The following UBTD1 variants were observed in gnomAD, a reference collection of about 807,000 sequenced individuals.
The protein encoded by UBTD1 is ubiquitin domain-containing protein 1.
UBTD1 carries 19 observed loss-of-function variants against 21.7 expected under a neutral mutation model. The ratio of observed to expected loss-of-function variants is 0.87; its 90% CI spans 0.61 to 1.28. The LOEUF is 1.28. Among genes scored for constraint, UBTD1 ranks in the 50% most tolerant of loss-of-function variants. The pLI is 0.00. For missense variants in UBTD1, 282 were observed against 315.1 expected (o/e 0.89, Z 0.80); for synonymous variants, 116 against 135.1 (o/e 0.86, Z 0.98).
intron 1 of UBTD1, among the ~76,000 whole-genome samples, chr10:97,506,335 G>T (rs1725405716): frequency 6.6e-6 from 1 of 152,260 alleles, no homozygotes; most frequent in Non-Finnish European, 1.5e-5. Context: ...CACGGGGCTT[G>T]TGAGACTCTA....
intron 1 of UBTD1, among the ~76,000 whole-genome samples, chr10:97,533,141 C>T (rs1159966964): frequency 6.6e-6 from 1 of 152,248 alleles, no homozygotes; most frequent in African/African-American, 2.4e-5. Context: ...CCAGCCTCAG[C>T]AGTTCTTGAC....
chr10:97,543,750 A>G (rs1320256120), intron 1 of UBTD1, among the ~76,000 whole-genome samples: 1 of 152,196 alleles, frequency 6.6e-6, no homozygotes, highest in Non-Finnish European at 1.5e-5. Context: ...TAAATGAACT[A>G]TAAGGCTTGC....
chr10:97,562,076 C>G (rs768189649), intron 1 of UBTD1, among the ~76,000 whole-genome samples: 2 of 152,152 alleles, frequency 1.3e-5, no homozygotes, highest in Non-Finnish European at 2.9e-5. Context: ...CTCCTCCCTT[C>G]GGACTGTGTC....
intron 1 of UBTD1, among the ~76,000 whole-genome samples, chr10:97,524,320 C>T (rs778820262): frequency 6.6e-6 from 1 of 152,026 alleles, no homozygotes; most frequent in South Asian, 2.1e-4. Flanking sequence ...AGACTAGTCT[C>T]GAACTCTTGG....
At chr10:97,510,022 G>A (rs372898760) in intron 1 of UBTD1, among the ~76,000 whole-genome samples, 2 of 151,588 alleles carry the variant, frequency 1.3e-5, no homozygotes, top group East Asian at 3.9e-4. Context: ...GAGTGCAATG[G>A]CACAATCTCA....
At chr10:97,530,451 C>T (rs2040523750) in intron 1 of UBTD1, among the ~76,000 whole-genome samples, 1 of 152,150 alleles carries the variant, frequency 6.6e-6, no homozygotes, top group Non-Finnish European at 1.5e-5. Context: ...AAAATTTTTA[C>T]AAAAGCATAC....
intron 1 of UBTD1, among the ~76,000 whole-genome samples, chr10:97,538,548 CCAGA>C (rs1210201570): frequency 6.6e-6 from 1 of 152,136 alleles, no homozygotes; most frequent in African/African-American, 2.4e-5. Flanking sequence ...CAGCTTCAGC[CCAGA>C]CAGTGATATG....
intron 1 of UBTD1, among the ~76,000 whole-genome samples, chr10:97,538,015 G>A (rs1403512975): frequency 6.6e-6 from 1 of 151,672 alleles, no homozygotes; most frequent in African/African-American, 2.4e-5. Flanking sequence ...AAGTAGAGAT[G>A]GGCTTTCACC....
intron 1 of UBTD1, among the ~76,000 whole-genome samples, chr10:97,504,153 G>T (rs753359134): frequency 6.6e-6 from 1 of 151,880 alleles, no homozygotes; most frequent in Non-Finnish European, 1.5e-5. Flanking sequence ...AATATGTCCC[G>T]AACCTGACTC....
chr10:97,558,008 C>T (rs1342532164), intron 1 of UBTD1, among the ~76,000 whole-genome samples: 1 of 152,104 alleles, frequency 6.6e-6, no homozygotes, highest in Non-Finnish European at 1.5e-5. Context: ...AAAATGAGTC[C>T]TGTGATGAGT....
Position 97,570,106 on chromosome 10 carries a change from A to G in UBTD1, c.299-32A>G. On this transcript the variant is annotated intron_variant, in intron 2 of 2. Transcript: ENST00000370664. This position sits in a 1 kb window ranked among gnomAD's most constrained non-coding sequence, Gnocchi z 6.6. The stretch of plus-strand genomic sequence containing the variant: ...TTTAATCCATGATAGTGGATCCCCA[A>G]GCTGACTCTGACAGCCCTGCCTCTC... 4 of 1,573,320 alleles carry G rather than the reference A, an allele frequency of 2.5e-6. No individual in the cohort carries two copies. The highest frequency in any genetic ancestry group is 3.5e-6 in the Non-Finnish European group (4 of 1,156,232).
intron 1 of UBTD1, among the ~76,000 whole-genome samples, chr10:97,506,779 G>A (rs1199502726): frequency 6.6e-6 from 1 of 152,098 alleles, no homozygotes; most frequent in Non-Finnish European, 1.5e-5. Flanking sequence ...TTTTGTGGCT[G>A]GCTTGTTTCA....
chr10:97,529,152 C>T (rs1589873506), intron 1 of UBTD1, among the ~76,000 whole-genome samples: 1 of 151,662 alleles, frequency 6.6e-6, no homozygotes, highest in African/African-American at 2.4e-5. Context: ...GCGCTCCCCA[C>T]ATCTCAGACG....
At chr10:97,567,272 C>T (rs1350246444) in intron 1 of UBTD1, among the ~76,000 whole-genome samples, 4 of 151,174 alleles carry the variant, frequency 2.6e-5, no homozygotes, top group Admixed American at 6.6e-5. Flanking sequence ...AGGGTTTTAC[C>T]ATGTTGCCCT....
At chr10:97,500,526 A>C (rs1036922821) in intron 1 of UBTD1, among the ~76,000 whole-genome samples, 1 of 152,268 alleles carries the variant, frequency 6.6e-6, no homozygotes, top group Non-Finnish European at 1.5e-5. Flanking sequence ...TGACTCTCAA[A>C]ACCAAGGGCT....
intron 1 of UBTD1, among the ~76,000 whole-genome samples, chr10:97,536,862 G>A (rs1378201036): frequency 6.6e-6 from 1 of 152,006 alleles, no homozygotes; most frequent in Non-Finnish European, 1.5e-5. Context: ...GGAGTCATTC[G>A]GTCATACATT....
At chr10:97,535,402 T>A (rs2040555230) in intron 1 of UBTD1, among the ~76,000 whole-genome samples, 2 of 151,758 alleles carry the variant, frequency 1.3e-5, no homozygotes, top group African/African-American at 2.4e-5. Flanking sequence ...GATCACGAGA[T>A]CAGGAAATTG....
intron 1 of UBTD1, among the ~76,000 whole-genome samples, chr10:97,510,666 G>GAT (rs1230407322): frequency 7.2e-5 from 11 of 152,132 alleles, no homozygotes; most frequent in Non-Finnish European, 7.3e-5. Flanking sequence ...CCTACGTTGA[G>GAT]ATATACGGCC....
intron 1 of UBTD1, among the ~76,000 whole-genome samples, chr10:97,561,297 C>T (rs187881601): frequency 1.1e-4 from 17 of 152,244 alleles, no homozygotes; most frequent in African/African-American, 4.1e-4. Flanking sequence ...CCGTGAGTTA[C>T]CTCGTTTCCT....
Sources: gnomAD v4.1 joint callset for allele counts (sites outside exome capture counted in the v4.1 genomes callset) on GRCh38, gnomAD v4.1.1 for gene constraint, Gnocchi (gnomAD v3.1) non-coding constraint, MANE v1.5 for transcripts, NCBI Gene and HGNC (gene_info 2026-07-23, HGNC 2026-07-21) for gene names.